The following RFC5 variants were observed in gnomAD, a reference collection of about 807,000 sequenced individuals.
RFC5 encodes the protein replication factor C subunit 5.
Under a neutral mutation model 44.3 loss-of-function variants are expected in RFC5, and 26 were observed. That is an observed-to-expected ratio of 0.59 (90% CI 0.43 to 0.81). The LOEUF (loss-of-function observed/expected upper bound fraction) is 0.81. RFC5 is among the 40% of genes least tolerant of loss of function. The pLI is 0.00. For synonymous variants in RFC5, 155 were observed against 155.2 expected (o/e 1.00, Z 0.01); for missense variants, 328 against 418.6 (o/e 0.78, Z 1.89).
Position 118,019,616 on chromosome 12 carries a change from C to T in RFC5, c.131-16C>T. On this transcript the variant is annotated splice_polypyrimidine_tract_variant and intron_variant, in intron 2 of 10. Transcript: ENST00000454402. This position sits in a 1 kb window ranked among gnomAD's most constrained non-coding sequence, Gnocchi z 4.2. ...CCCAAAGACTGATGGTGCCCTTCTT[C>T]CTTCCTGATCCTCAGTTCAGAAGTT... 6.2e-7 allele frequency: 1 copy of T among 1,613,902 alleles called. No homozygotes were observed. The highest frequency in any genetic ancestry group is 1.1e-5 in the South Asian group (1 of 91,078).
intron 5 of RFC5, among the ~76,000 whole-genome samples, chr12:118,024,639 G>A (rs1260835216): frequency 6.6e-6 from 1 of 152,024 alleles, no homozygotes; most frequent in East Asian, 1.9e-4. Context: ...CAAACCTCCT[G>A]ACCTCAAGTG....
intron 1 of RFC5, chr12:118,017,617 A>T (rs544177648): frequency 6.8e-6 from 7 of 1,027,886 alleles, no homozygotes; most frequent in Non-Finnish European, 8.5e-6. Flanking sequence ...ATTTGTCTTT[A>T]TTGTGGTTAA....
intron 5 of RFC5, among the ~76,000 whole-genome samples, chr12:118,023,393 G>A (rs2030653894): frequency 2.4e-5 from 2 of 84,774 alleles, no homozygotes; most frequent in African/African-American, 5.3e-5. Flanking sequence ...GAAGGATGGG[G>A]GAAGGGGGAG....
downstream of RFC5, chr12:118,035,102 GGAGA>G (rs1370938566): frequency 6.2e-7 from 1 of 1,613,910 alleles, no homozygotes; most frequent in African/African-American, 1.3e-5. Flanking sequence ...GTCTGGATGG[GGAGA>G]GAGAACATCT....
intron 10 of RFC5, 102 bp downstream of exon 10, chr12:118,029,927 G>A (rs5745880): frequency 0.018 from 15,530 of 852,962 alleles, 249 homozygotes; most frequent in Middle Eastern, 0.053. Context: ...TTCCTAAATC[G>A]TTCACATACG....
At chr12:118,027,244 G>A (rs1041686609) in intron 8 of RFC5, 30 of 513,102 alleles carry the variant, frequency 5.8e-5, no homozygotes, top group Middle Eastern at 5.1e-4. Context: ...AAGGCTTGAA[G>A]CAGCTTCACT....
intron 5 of RFC5, among the ~76,000 whole-genome samples, chr12:118,023,289 CAT>C (rs2030644177): frequency 6.6e-6 from 1 of 151,242 alleles, no homozygotes; most frequent in Admixed American, 6.6e-5. Context: ...GGACACTTGT[CAT>C]CTCTCATTAA....
chr12:118,025,872 AGAGTCTTGCTCTGTCGCTCAGGCTG>A (rs780842688), intron 7 of RFC5, 44 bp downstream of exon 7: 2 of 1,152,166 alleles, frequency 1.7e-6, no homozygotes, highest in Non-Finnish European at 2.6e-6. Context: ...TTTTTGAGAC[AGAGTCTTGCTCTGTCGCTCAGGCTG>A]GAGTGCAGCA....
intron 1 of RFC5, among the ~76,000 whole-genome samples, chr12:118,018,766 T>C (rs754213319): frequency 3.6e-4 from 55 of 152,148 alleles, no homozygotes; most frequent in Admixed American, 1.0e-3. Flanking sequence ...TATGCCACCA[T>C]GCCCAGCTAA....
chr12:118,017,419 G>A lies in RFC5; in HGVS notation c.65+527G>A, dbSNP rs186851526. ...GGAGGAAACTGCATTTTAGAAAGAT[G>A]TAATGACTTCCCTATGGTCCAAGGG... is the stretch of plus-strand genomic sequence containing the variant. On this transcript the variant is annotated intron_variant, in intron 1 of 10. Transcript: ENST00000454402. 1.3e-3 allele frequency among the ~76,000 whole-genome samples: 200 copies of A among 152,306 alleles called. 1 individual carries two copies. The Middle Eastern group carries it at 0.014, about 10-fold the overall frequency.
At chr12:118,041,213 G>A in the RFC5 span, among the ~76,000 whole-genome samples, 1 of 152,208 alleles carries the variant, frequency 6.6e-6, no homozygotes, top group African/African-American at 2.4e-5. Context: ...GGTATTAGGA[G>A]GCGGGGCTTT....
intron 6 of RFC5, 95 bp downstream of exon 6, chr12:118,025,105 A>T: frequency 8.0e-7 from 1 of 1,254,706 alleles, no homozygotes; most frequent in Non-Finnish European, 1.1e-6. Context: ...GAATGTTGGA[A>T]AACGACTTTG....
chr12:118,039,966 G>A, the RFC5 span, among the ~76,000 whole-genome samples: 3 of 151,846 alleles, frequency 2.0e-5, no homozygotes, highest in Admixed American at 6.6e-5. Flanking sequence ...GGCTGGTCTC[G>A]AACTCCTGAC....
intron 9 of RFC5, among the ~76,000 whole-genome samples, chr12:118,028,736 C>A (rs2031128112): frequency 6.6e-6 from 1 of 151,870 alleles, no homozygotes; most frequent in Non-Finnish European, 1.5e-5. Context: ...TAAACCAAAG[C>A]AGGCTTAAGG....
chr12:118,029,294 T>TGTA (rs1278398973), intron 9 of RFC5, among the ~76,000 whole-genome samples: 1 of 152,178 alleles, frequency 6.6e-6, no homozygotes, highest in African/African-American at 2.4e-5. Flanking sequence ...GGCGCACACC[T>TGTA]GTAGCCCCAG....
chr12:118,025,421 A>C (rs1238917824), intron 6 of RFC5: 3 of 336,618 alleles, frequency 8.9e-6, no homozygotes, highest in Non-Finnish European at 1.6e-5. Flanking sequence ...GTTGTGAAGG[A>C]GGAGTTTCGG....
At chr12:118,018,339 C>A (rs1385149146) in intron 1 of RFC5, among the ~76,000 whole-genome samples, 1 of 152,166 alleles carries the variant, frequency 6.6e-6, no homozygotes, top group African/African-American at 2.4e-5. Context: ...GAGTTTTCAA[C>A]CTCAGCACTA....
At chr12:118,038,455 A>G in the RFC5 span, 6 of 1,502,764 alleles carry the variant, frequency 4.0e-6, no homozygotes, top group South Asian at 7.1e-5. Context: ...AGAACGGGAG[A>G]ACTGGGGTGG....
At chr12:118,021,624 CA>C (rs1420293196) in intron 4 of RFC5, among the ~76,000 whole-genome samples, 1 of 147,746 alleles carries the variant, frequency 6.8e-6, no homozygotes, top group Admixed American at 6.8e-5. Flanking sequence ...TCAGGAAGGA[CA>C]ACTAGGATGG....
Sources: gnomAD v4.1 joint callset for allele counts (sites outside exome capture counted in the v4.1 genomes callset) on GRCh38, gnomAD v4.1.1 for gene constraint, Gnocchi (gnomAD v3.1) non-coding constraint, MANE v1.5 for transcripts, NCBI Gene and HGNC (gene_info 2026-07-23, HGNC 2026-07-21) for gene names.